Variants in SPATS2L observed in about 807,000 individuals in gnomAD.
The protein encoded by SPATS2L is SPATS2-like protein.
In SPATS2L, 30 loss-of-function variants were observed where a neutral mutation model predicts 59.6. The observed-to-expected ratio is 0.50, with a 90% CI of 0.38 to 0.68. The LOEUF (loss-of-function observed/expected upper bound fraction) is 0.68, where lower values mean the gene tolerates loss of function less well. SPATS2L is among the 30% of genes least tolerant of loss of function. The probability of loss-of-function intolerance (pLI) is 0.00; values close to 1 mark genes in which losing one functional copy is unlikely to be tolerated. For synonymous variants in SPATS2L, 252 were observed against 263.5 expected, an observed-to-expected ratio of 0.96 and a Z score of 0.42; for missense variants, 615 against 700.0, an observed-to-expected ratio of 0.88 and a Z score of 1.37.
intron 11 of SPATS2L, among the ~76,000 whole-genome samples, chr2:200,472,124 C>T (rs1005104078): frequency 3.9e-5 from 6 of 152,180 alleles, no homozygotes; most frequent in African/African-American, 1.4e-4. Flanking sequence ...GACGGGTGTC[C>T]GCCTGATCAG....
At chr2:200,314,868 T>C (rs976437373) in intron 1 of SPATS2L, among the ~76,000 whole-genome samples, 10 of 152,262 alleles carry the variant, frequency 6.6e-5, no homozygotes, top group African/African-American at 2.4e-4. Context: ...ATTTAACAAA[T>C]TGTAATATTG....
chr2:200,306,023 T>TC, upstream of SPATS2L: 1 of 985,334 alleles, frequency 1.0e-6, no homozygotes, highest in Non-Finnish European at 1.2e-6. Context: ...TGCCCATGTG[T>TC]AACTTGGTTA....
chr2:200,464,580 C>G (rs571611444), intron 9 of SPATS2L, among the ~76,000 whole-genome samples: 5 of 152,164 alleles, frequency 3.3e-5, no homozygotes, highest in Non-Finnish European at 7.3e-5. Flanking sequence ...TGTGTCATCA[C>G]TGAGGGCCTA....
At chr2:200,335,292 G>A (rs1011593511) in intron 2 of SPATS2L, among the ~76,000 whole-genome samples, 25 of 151,992 alleles carry the variant, frequency 1.6e-4, no homozygotes, top group Non-Finnish European at 1.6e-4. Flanking sequence ...GCGGGAGAAT[G>A]GTGTGAACCC....
At chr2:200,373,826 T>C (rs1414376937) in intron 2 of SPATS2L, among the ~76,000 whole-genome samples, 1 of 152,200 alleles carries the variant, frequency 6.6e-6, no homozygotes, top group Non-Finnish European at 1.5e-5. Context: ...TTTGAAGTTA[T>C]TTTAAAAGAT....
chr2:200,433,041 T>C (rs895876082), intron 6 of SPATS2L, among the ~76,000 whole-genome samples: 13 of 152,174 alleles, frequency 8.5e-5, no homozygotes, highest in Non-Finnish European at 1.5e-4. Flanking sequence ...GAAGAAATAA[T>C]GGACACAGTT....
intron 2 of SPATS2L, among the ~76,000 whole-genome samples, chr2:200,386,825 C>T (rs2082007664): frequency 6.6e-6 from 1 of 152,110 alleles, no homozygotes; most frequent in African/African-American, 2.4e-5. Flanking sequence ...TCTCTCTCCT[C>T]CCCCTCCATC....
intron 3 of SPATS2L, among the ~76,000 whole-genome samples, chr2:200,403,203 G>A (rs1390045764): frequency 6.6e-6 from 1 of 152,170 alleles, no homozygotes; most frequent in Non-Finnish European, 1.5e-5. Context: ...GCAGGTGCAG[G>A]TCTCACAGTC....
intron 2 of SPATS2L, among the ~76,000 whole-genome samples, chr2:200,338,770 C>G (rs2080225973): frequency 6.6e-6 from 1 of 152,172 alleles, no homozygotes; most frequent in South Asian, 2.1e-4. Flanking sequence ...AAGGGGTTAC[C>G]TCTCCACTTC....
intron 1 of SPATS2L, among the ~76,000 whole-genome samples, chr2:200,319,629 G>C (rs548944396): frequency 6.8e-6 from 1 of 146,326 alleles, no homozygotes; most frequent in South Asian, 2.2e-4. Flanking sequence ...TGAGTATTCT[G>C]AACAGTAGAA....
At chr2:200,461,261 TTAAA>T (rs1458057827) in intron 9 of SPATS2L, 1 of 152,226 alleles carries the variant, frequency 6.6e-6, no homozygotes, top group Non-Finnish European at 1.5e-5. Flanking sequence ...AATTCTCTGT[TTAAA>T]TAATGAACAC....
chr2:200,379,946 C>T (rs1204205920), intron 2 of SPATS2L, among the ~76,000 whole-genome samples: 1 of 152,104 alleles, frequency 6.6e-6, no homozygotes, highest in African/African-American at 2.4e-5. Flanking sequence ...TCACCCACAT[C>T]TCTATGGAAA....
chr2:200,370,488 T>A (rs1170061846), intron 2 of SPATS2L, among the ~76,000 whole-genome samples: 1 of 152,096 alleles, frequency 6.6e-6, no homozygotes, highest in African/African-American at 2.4e-5. Flanking sequence ...AAAGAATGGG[T>A]CAGTGTAATT....
At chr2:200,343,769 T>G (rs754984611) in intron 2 of SPATS2L, among the ~76,000 whole-genome samples, 23 of 152,140 alleles carry the variant, frequency 1.5e-4, no homozygotes, top group Non-Finnish European at 2.2e-4. Context: ...TAGATGCTGT[T>G]GTAGATAAGT....
chr2:200,455,460 C>T (rs906348164), intron 8 of SPATS2L, among the ~76,000 whole-genome samples: 8 of 152,132 alleles, frequency 5.3e-5, no homozygotes, highest in African/African-American at 1.9e-4. Context: ...TGTCAGGAAG[C>T]TTAGATGAGA....
chr2:200,362,091 TA>T (rs888485158), intron 2 of SPATS2L, among the ~76,000 whole-genome samples: 3 of 151,544 alleles, frequency 2.0e-5, no homozygotes, highest in Admixed American at 2.0e-4. Flanking sequence ...AATAAAAAAA[TA>T]AAAAAATAGC....
At chr2:200,370,501 G>A (rs141546771) in intron 2 of SPATS2L, among the ~76,000 whole-genome samples, 31 of 152,234 alleles carry the variant, frequency 2.0e-4, no homozygotes, top group Admixed American at 1.2e-3. Context: ...GTGTAATTGC[G>A]GAGGGTAACC....
intron 3 of SPATS2L, among the ~76,000 whole-genome samples, chr2:200,400,466 A>T (rs2082490264): frequency 6.6e-6 from 1 of 152,206 alleles, no homozygotes; most frequent in Non-Finnish European, 1.5e-5. Flanking sequence ...TTAAACGTAG[A>T]TCAAAGAGAC....
At chr2:200,396,496 A>T (rs2082359251) in intron 3 of SPATS2L, among the ~76,000 whole-genome samples, 1 of 152,116 alleles carries the variant, frequency 6.6e-6, no homozygotes, top group Admixed American at 6.5e-5. Flanking sequence ...ATTTTTGAAT[A>T]AATATGTACT....
Sources: allele counts gnomAD v4.1 joint callset (sites outside exome capture counted in the v4.1 genomes callset), GRCh38; gene constraint gnomAD v4.1.1; transcripts MANE v1.5; gene names NCBI Gene and HGNC (gene_info 2026-07-23, HGNC 2026-07-21).